The following SCAF8 variants were observed in gnomAD, a reference collection of about 807,000 sequenced individuals.
The protein encoded by SCAF8 is SR-related and CTD-associated factor 8.
A neutral mutation model predicts 140.5 loss-of-function variants in SCAF8; 23 were observed. The ratio of observed to expected loss-of-function variants is 0.16; its 90% confidence interval spans 0.12 to 0.23. The LOEUF is 0.23. Among genes scored for constraint, SCAF8 ranks in the 10% least tolerant of loss-of-function variants. The pLI is 1.00. For missense variants in SCAF8, 1,397 were observed against 1,555.7 expected, an observed-to-expected ratio of 0.90 and a Z score of 1.72; for synonymous variants, 575 against 528.9, an observed-to-expected ratio of 1.09 and a Z score of -1.20.
intron 1 of SCAF8, among the ~76,000 whole-genome samples, chr6:154,735,197 T>G (rs773219147): frequency 9.9e-5 from 15 of 152,138 alleles, no homozygotes; most frequent in Non-Finnish European, 2.2e-4. Context: ...TATGAACTCT[T>G]AAAGTGCCAA....
intron 18 of SCAF8, among the ~76,000 whole-genome samples, chr6:154,827,838 G>T (rs925910221): frequency 6.0e-5 from 9 of 150,880 alleles, no homozygotes; most frequent in East Asian, 2.0e-4. Context: ...GCGGGGCGGG[G>T]GGGGGGGCGG....
At chr6:154,750,754 G>A (rs1265013200) in intron 1 of SCAF8, among the ~76,000 whole-genome samples, 1 of 152,044 alleles carries the variant, frequency 6.6e-6, no homozygotes, top group East Asian at 1.9e-4. Flanking sequence ...AATTTATTGT[G>A]TACATGGAAT....
intron 3 of SCAF8, among the ~76,000 whole-genome samples, chr6:154,784,127 A>ATGTG (rs1207604480): frequency 4.8e-4 from 28 of 58,226 alleles, no homozygotes; most frequent in African/African-American, 4.4e-3. Flanking sequence ...TGAGATATAT[A>ATGTG]TATATATATA....
At chr6:154,778,202 C>T (rs573165912) in intron 3 of SCAF8, among the ~76,000 whole-genome samples, 157 bp downstream of exon 3, 1 of 152,220 alleles carries the variant, frequency 6.6e-6, no homozygotes, top group East Asian at 1.9e-4. Context: ...AATAAAAGTG[C>T]CTTTCAGATA....
intron 1 of SCAF8, among the ~76,000 whole-genome samples, chr6:154,747,229 G>A (rs1397366953): frequency 6.6e-6 from 1 of 152,050 alleles, no homozygotes; most frequent in African/African-American, 2.4e-5. Flanking sequence ...ATATAGAACC[G>A]TGCGGCTGAG....
In SCAF8 at chr6:154,774,007, T is replaced by C. The variant is rs1776848700; in HGVS notation, c.49T>C (p.Tyr17His). 1.2e-6 allele frequency: 2 copies of C among 1,612,608 alleles called. No individual in the cohort carries two copies. Among genetic ancestry groups the C allele is most frequent in the Non-Finnish European group, 8.5e-7 (1 of 1,178,678 alleles). ...TCATCAGTTGTATTCCCTGAATGAC[T>C]ATAAACCACCCATTTCGAAAGCGAA... ...FNSELYSLND[Y>H]KPPISKAKMT... is the part of the protein sequence containing the mutation. Residue 17 changes from tyrosine to histidine, a missense_variant, in exon 2 of 20, where the codon TAT becomes CAT. Tyr to His is a moderately conservative substitution (Grantham distance 83). This residue lies in a region of SCAF8 where 26 missense variants were observed against 20.9 expected (regional missense o/e 1.25). Transcript: ENST00000367178.
At chr6:154,817,436 T>TAAC (rs752501731) in intron 13 of SCAF8, among the ~76,000 whole-genome samples, 9 of 152,232 alleles carry the variant, frequency 5.9e-5, no homozygotes, top group Non-Finnish European at 1.3e-4. Context: ...AAGCACTAAG[T>TAAC]TATTTTGTGA....
At chr6:154,799,771 A>G (rs1777715698) in intron 6 of SCAF8, among the ~76,000 whole-genome samples, 1 of 150,204 alleles carries the variant, frequency 6.7e-6, no homozygotes, top group African/African-American at 2.4e-5. Flanking sequence ...GCCTTCAGTG[A>G]CTGCTATTTA....
intron 12 of SCAF8, among the ~76,000 whole-genome samples, chr6:154,814,483 A>G (rs1348816704): frequency 3.3e-5 from 5 of 152,236 alleles, no homozygotes; most frequent in Non-Finnish European, 7.3e-5. Flanking sequence ...AAGCTTACAC[A>G]GGTCTAGAAG....
At chr6:154,740,453 C>T (rs1433174660) in intron 1 of SCAF8, among the ~76,000 whole-genome samples, 1 of 152,040 alleles carries the variant, frequency 6.6e-6, no homozygotes, top group East Asian at 1.9e-4. Flanking sequence ...TGTGCTGTTT[C>T]TTCCAGTGAT....
In SCAF8 at chr6:154,820,151, T is replaced by C. The variant is rs1225562057; in HGVS notation, c.1636-26T>C. On this transcript the variant is annotated intron_variant, in intron 14 of 19. Transcript: ENST00000367178. ...TTATAGTATGTATGTATAACCTTTCTTTTTTCCTCTTCCCATTTACAATAG... is the reference window on the plus strand; with the variant it reads ...TTATAGTATGTATGTATAACCTTTCCTTTTTCCTCTTCCCATTTACAATAG... 1.9e-6 allele frequency: 3 copies of C among 1,547,064 alleles called. No individual in the cohort carries two copies. In the East Asian group the frequency reaches 6.9e-5, roughly 35 times the overall value.
At chr6:154,806,123 A>G (rs1733529945) in intron 9 of SCAF8, among the ~76,000 whole-genome samples, 3 of 152,172 alleles carry the variant, frequency 2.0e-5, no homozygotes, top group Admixed American at 2.0e-4. Flanking sequence ...TATTTTATGC[A>G]TAGCTAAGAA....
intron 8 of SCAF8, among the ~76,000 whole-genome samples, chr6:154,804,567 A>T (rs910120708): frequency 6.6e-6 from 1 of 152,154 alleles, no homozygotes; most frequent in Admixed American, 6.5e-5. Context: ...TTCTATTAAT[A>T]TACACTGACC....
chr6:154,817,375 T>A (rs1428591600), intron 13 of SCAF8, among the ~76,000 whole-genome samples: 1 of 152,228 alleles, frequency 6.6e-6, no homozygotes, highest in Non-Finnish European at 1.5e-5. Flanking sequence ...GTTTGCCTTA[T>A]CCCTCTCCTT....
In SCAF8 at chr6:154,831,057, C is replaced by T. The variant is rs766993520; in HGVS notation, c.2276C>T (p.Ala759Val). The change falls in exon 19 of 20, where the codon GCT becomes GTT. Residue 759 changes from alanine (A) to valine (V), a missense_variant. Ala to Val is a moderately conservative substitution (Grantham distance 64). This residue lies in a region of SCAF8 where 930 missense variants were observed against 874.6 expected (regional missense o/e 1.06). Transcript: ENST00000367178. ...CTGCCAGCTGGAAATGTTTTTAATGCTCCAACTAAACAGGCAGAGCCTGAA... is the reference window on the plus strand; with the variant it reads ...CTGCCAGCTGGAAATGTTTTTAATGTTCCAACTAAACAGGCAGAGCCTGAA... ...SALPAGNVFN[A>V]PTKQAEPEEK... The T allele has an allele frequency of 1.9e-6, 3 of 1,613,972 alleles. No homozygotes were observed. The highest frequency in any genetic ancestry group is 3.3e-5 in the Admixed American group (2 of 60,006).
chr6:154,753,532 G>A (rs1026816647), intron 1 of SCAF8, among the ~76,000 whole-genome samples: 1 of 151,818 alleles, frequency 6.6e-6, no homozygotes, highest in Non-Finnish European at 1.5e-5. Flanking sequence ...CCAGCTACTC[G>A]GGAGGCTGAG....
At chr6:154,816,542 A>C (rs1016225614) in intron 13 of SCAF8, among the ~76,000 whole-genome samples, 7 of 152,072 alleles carry the variant, frequency 4.6e-5, no homozygotes, top group Non-Finnish European at 8.8e-5. Context: ...TGTGTGGTGA[A>C]ATGTTTTGTA....
Position 154,833,253 on chromosome 6 carries a change from C to T in SCAF8, c.3674C>T (p.Pro1225Leu). Residue 1225 changes from proline to leucine, a missense_variant, in exon 20 of 20, where the codon CCA becomes CTA. By Grantham distance (98) the Pro-to-Leu change is moderately conservative (BLOSUM62 -3). This residue lies in a region of SCAF8 where 930 missense variants were observed against 874.6 expected (regional missense o/e 1.06). Transcript: ENST00000367178. ...NGENTERHAQ[P>L]PPIPVQNDPE... Reference sequence around the variant, plus strand: ...GAAAATACAGAGAGACATGCTCAGCCACCACCTATACCAGTACAGAATGAT... The same window carrying T: ...GAAAATACAGAGAGACATGCTCAGCTACCACCTATACCAGTACAGAATGAT... 3 of 1,613,950 alleles carry T rather than the reference C, an allele frequency of 1.9e-6. No individual in the cohort carries two copies. The highest frequency in any genetic ancestry group is 2.5e-6 in the Non-Finnish European group (3 of 1,179,982).
At chr6:154,826,643 A>G (rs1424901606) in intron 17 of SCAF8, among the ~76,000 whole-genome samples, 2 of 152,192 alleles carry the variant, frequency 1.3e-5, no homozygotes, top group Non-Finnish European at 2.9e-5. Flanking sequence ...GCTACTCGGG[A>G]GGCTGAAGTA....
Sources: gnomAD v4.1 joint callset for allele counts (sites outside exome capture counted in the v4.1 genomes callset) on GRCh38, gnomAD v4.1.1 for gene constraint, gnomAD v4.1.1 regional missense constraint, MANE v1.5 for transcripts, NCBI Gene and HGNC (gene_info 2026-07-23, HGNC 2026-07-21) for gene names.